DSCAML1: variants seen among roughly 807,000 people sequenced by gnomAD.
DSCAML1 encodes cell adhesion molecule DSCAML1.
A neutral mutation model predicts 200.5 loss-of-function variants in DSCAML1; 38 were observed. That is an observed-to-expected ratio of 0.19 (90% CI 0.15 to 0.25). The LOEUF is 0.25. Among genes scored for constraint, DSCAML1 ranks in the 10% least tolerant of loss-of-function variants. DSCAML1 has a pLI of 1.00. For missense variants in DSCAML1, 2,223 were observed against 2,858.8 expected, an observed-to-expected ratio of 0.78 and a Z score of 5.07; for synonymous variants, 1,215 against 1,165.0, an observed-to-expected ratio of 1.04 and a Z score of -0.87.
At chr11:117,513,895 T>C (rs2049700982) in intron 8 of DSCAML1, among the ~76,000 whole-genome samples, 1 of 152,152 alleles carries the variant, frequency 6.6e-6, no homozygotes, top group South Asian at 2.1e-4. Flanking sequence ...GTGACTCGGC[T>C]CCTGTGCACT....
Position 117,450,639 on chromosome 11 carries a change from A to C in DSCAML1, c.3618T>G (p.Ser1206Arg). Reference sequence around the variant, plus strand: ...TAGGGGGGAGCCAAGACACAACCACACTGCTAGCTGATGAAGGGACAGCTT... The same window carrying C: ...TAGGGGGGAGCCAAGACACAACCACCCTGCTAGCTGATGAAGGGACAGCTT... Reference protein sequence around the residue: ...GIKAVPSSASSVVVSWLPPTK... With the variant: ...GIKAVPSSASRVVVSWLPPTK... The change falls in exon 20 of 33, where the codon AGT (serine) becomes AGG (arginine). Residue 1206 changes from serine to arginine, a missense_variant. Transcript: ENST00000651296. The C allele has an allele frequency of 3.1e-6, 5 of 1,614,182 alleles. No individual in the cohort carries two copies. Among genetic ancestry groups the C allele is most frequent in the Non-Finnish European group, 4.2e-6 (5 of 1,180,018 alleles).
At chr11:117,623,422 G>C (rs2051979803) in intron 3 of DSCAML1, among the ~76,000 whole-genome samples, 1 of 151,966 alleles carries the variant, frequency 6.6e-6, no homozygotes. Context: ...TGCCATGTTG[G>C]CCAGGCAGGT....
intron 5 of DSCAML1, among the ~76,000 whole-genome samples, chr11:117,521,622 G>T (rs4938397): frequency 0.22 from 32,836 of 151,958 alleles, 3,721 homozygotes; most frequent in East Asian, 0.35. Context: ...AGGGATCTCT[G>T]GGTATTTGTT....
At chr11:117,490,136 G>A (rs941277250) in intron 11 of DSCAML1, among the ~76,000 whole-genome samples, 2 of 152,182 alleles carry the variant, frequency 1.3e-5, no homozygotes, top group Non-Finnish European at 1.5e-5. Context: ...CACCAGAGCC[G>A]TAGAGGAATC....
intron 1 of DSCAML1, among the ~76,000 whole-genome samples, chr11:117,813,827 A>G (rs1372994806): frequency 2.0e-5 from 3 of 152,028 alleles, no homozygotes. Context: ...CACTCCCCCA[A>G]AATTTTCACC....
At chr11:117,614,233 T>G (rs980298895) in intron 3 of DSCAML1, among the ~76,000 whole-genome samples, 1 of 152,158 alleles carries the variant, frequency 6.6e-6, no homozygotes, top group Middle Eastern at 3.2e-3. Context: ...ACATGGGCTT[T>G]GCATCTGCTC....
chr11:117,532,533 A>C lies in DSCAML1; in HGVS notation c.512-11T>G, dbSNP rs201515882. On this transcript the variant is annotated splice_polypyrimidine_tract_variant and intron_variant, in intron 3 of 32. Transcript: ENST00000651296. The stretch of plus-strand genomic sequence containing the variant: ...TAAAAAACCTGTGTTCTGGAGACAC[A>C]ATCAGGACATAGTTCGTTACTTCCC... 6.2e-7 allele frequency: 1 copy of C among 1,612,432 alleles called. No homozygotes were observed. The highest frequency in any genetic ancestry group is 1.3e-5 in the African/African-American group (1 of 75,066).
At chr11:117,451,326 G>T (rs1378700291) in intron 19 of DSCAML1, among the ~76,000 whole-genome samples, 2 of 152,184 alleles carry the variant, frequency 1.3e-5, no homozygotes, top group African/African-American at 4.8e-5. Flanking sequence ...GAGACTGGAA[G>T]CTTCCTGCTC....
chr11:117,805,168 A>G (rs1223124296), intron 1 of DSCAML1, among the ~76,000 whole-genome samples: 1 of 152,202 alleles, frequency 6.6e-6, no homozygotes, highest in Non-Finnish European at 1.5e-5. Flanking sequence ...GAGAGAAAAC[A>G]TGATCCCATT....
At chr11:117,769,270 ATT>A (rs2054970050) in intron 3 of DSCAML1, among the ~76,000 whole-genome samples, 2 of 3,638 alleles carry the variant, frequency 5.5e-4, no homozygotes, top group African/African-American at 6.3e-4. Flanking sequence ...TATTTTATAT[ATT>A]TATATATTAT....
intron 3 of DSCAML1, among the ~76,000 whole-genome samples, chr11:117,613,536 A>G (rs2051742576): frequency 6.6e-6 from 1 of 152,136 alleles, no homozygotes; most frequent in Admixed American, 6.5e-5. Flanking sequence ...AGAACAAGAA[A>G]TCAAAAAGTC....
intron 3 of DSCAML1, among the ~76,000 whole-genome samples, chr11:117,565,207 C>G (rs952764271): frequency 2.0e-5 from 3 of 151,886 alleles, no homozygotes; most frequent in Non-Finnish European, 4.4e-5. Context: ...ACTAAAGGTA[C>G]ATCGTTTTGG....
chr11:117,739,536 GC>G (rs1428301209), intron 3 of DSCAML1, among the ~76,000 whole-genome samples: 7 of 152,246 alleles, frequency 4.6e-5, no homozygotes, highest in Non-Finnish European at 8.8e-5. Context: ...CCTGGGAGCA[GC>G]TGGTGGCTGC....
intron 3 of DSCAML1, among the ~76,000 whole-genome samples, chr11:117,716,862 G>A (rs1045543781): frequency 6.6e-6 from 1 of 152,116 alleles, no homozygotes; most frequent in East Asian, 1.9e-4. Flanking sequence ...GCGCTGCCAC[G>A]GCAGAGCTGA....
rs144661478 is a variant in DSCAML1, at chr11:117,786,926, AG to A, written c.47-6117del. On this transcript the variant is annotated intron_variant, in intron 1 of 32. Transcript: ENST00000651296. ...TTCGTAGGAGAGGTCATGGGTCTTC[AG>A]GGGAGCAGGGGGCAGGGGACAGGAG... Among the ~76,000 whole-genome samples, 890 of 152,276 alleles carry A rather than the reference AG, an allele frequency of 5.8e-3. 9 individuals carry two copies. Among genetic ancestry groups the A allele is most frequent in the African/African-American group, 0.021 (856 of 41,566 alleles).
chr11:117,749,312 C>G (rs995612682), intron 3 of DSCAML1, among the ~76,000 whole-genome samples: 13 of 152,194 alleles, frequency 8.5e-5, no homozygotes, highest in Non-Finnish European at 1.6e-4. Context: ...TGCTGCCTGC[C>G]TCTCCCCATT....
chr11:117,776,369 G>C (rs556439877), intron 3 of DSCAML1, among the ~76,000 whole-genome samples: 1 of 152,158 alleles, frequency 6.6e-6, no homozygotes, highest in African/African-American at 2.4e-5. Flanking sequence ...AGTGCTCACT[G>C]TTTTAGTCAC....
chr11:117,603,696 T>C (rs1053007339), intron 3 of DSCAML1, among the ~76,000 whole-genome samples: 3 of 152,336 alleles, frequency 2.0e-5, no homozygotes, highest in African/African-American at 7.2e-5. Flanking sequence ...AATTCCTCTC[T>C]TCCAGTAAGG....
At chr11:117,631,861 C>A (rs755242057) in intron 3 of DSCAML1, among the ~76,000 whole-genome samples, 18 of 152,192 alleles carry the variant, frequency 1.2e-4, no homozygotes, top group Admixed American at 4.6e-4. Context: ...GAGGAGAAGG[C>A]CCCTAAGCTA....
Sources: gnomAD v4.1 joint callset for allele counts (sites outside exome capture counted in the v4.1 genomes callset) on GRCh38, gnomAD v4.1.1 for gene constraint, MANE v1.5 for transcripts, NCBI Gene and HGNC (gene_info 2026-07-23, HGNC 2026-07-21) for gene names.